SLC19A3: variants seen among roughly 807,000 people sequenced by gnomAD.
SLC19A3 encodes solute carrier family 19 member 3, also known as thiamine transporter 2.
A neutral mutation model predicts 40.2 loss-of-function variants in SLC19A3; 31 were observed. That is an observed-to-expected ratio of 0.77 (90% CI 0.58 to 1.04). The LOEUF (loss-of-function observed/expected upper bound fraction) is 1.04, where lower values mean the gene tolerates loss of function less well. Among genes scored for constraint, SLC19A3 ranks in the 50% least tolerant of loss-of-function variants. The pLI is 0.00. For synonymous variants in SLC19A3, 212 were observed against 227.5 expected, an observed-to-expected ratio of 0.93 and a Z score of 0.61; for missense variants, 592 against 596.7, an observed-to-expected ratio of 0.99 and a Z score of 0.08.
chr2:227,701,281 G>T, intron 2 of SLC19A3: 2 of 298,290 alleles, frequency 6.7e-6, no homozygotes, highest in South Asian at 3.6e-5. Context: ...ATCAGCCCAG[G>T]GTAATTTTGC....
chr2:227,715,816 G>T (rs972891268), intron 1 of SLC19A3, among the ~76,000 whole-genome samples: 1 of 151,956 alleles, frequency 6.6e-6, no homozygotes, highest in African/African-American at 2.4e-5. Context: ...TAGGCATGGT[G>T]GTGTGTGCCT....
At position 227,699,053 on chromosome 2, in the gene SLC19A3, T is replaced by C. The variant is rs863224203; in HGVS notation, c.662A>G (p.His221Arg). 1.2e-6 allele frequency: 2 copies of C among 1,614,098 alleles called. No individual in the cohort carries two copies. The highest frequency in any genetic ancestry group is 1.3e-5 in the African/African-American group (1 of 74,944). Reference protein sequence around the residue: ...SSVNPVLEETHEGEAPGCEEQ... With the variant: ...SSVNPVLEETREGEAPGCEEQ... ...TTCACAGCCTGGTGCTTCACCTTCGTGAGTTTCCTCTAATACTGGATTCAC... is the reference window on the plus strand; with the variant it reads ...TTCACAGCCTGGTGCTTCACCTTCGCGAGTTTCCTCTAATACTGGATTCAC... The change falls in exon 3 of 6, where the codon CAC (histidine) becomes CGC (arginine). Residue 221 changes from histidine (H) to arginine (R), a missense_variant. Coordinates refer to ENST00000644224, the MANE Select transcript of SLC19A3 (RefSeq NM_025243.4).
rs771047329 is a variant in SLC19A3, at chr2:227,687,481, A to G, written c.1407T>C (p.Asp469=). ...YITYSTKSQK[D]VQSPAPSENP... ...TCTCACTTGGAGCAGGGCTCTGTAC[A>G]TCCTTCTGGGATTTGGTTGAGTAGG... Residue 469 remains aspartate (D), a synonymous_variant, in exon 6 of 6, where the codon GAT becomes GAC. Coordinates refer to ENST00000644224, the MANE Select transcript of SLC19A3 (RefSeq NM_025243.4). The G allele has an allele frequency of 6.2e-7, 1 of 1,614,140 alleles. No homozygotes were observed. Among genetic ancestry groups the G allele is most frequent in the South Asian group, 1.1e-5 (1 of 91,082 alleles).
At chr2:227,716,099 G>T (rs1289179563) in intron 1 of SLC19A3, among the ~76,000 whole-genome samples, 2 of 152,040 alleles carry the variant, frequency 1.3e-5, no homozygotes, top group African/African-American at 4.8e-5. Context: ...GAAAAAACTG[G>T]ATTAAAGAAA....
chr2:227,698,669 C>T (rs1459808316), intron 3 of SLC19A3, 67 bp downstream of exon 3: 34 of 1,375,296 alleles, frequency 2.5e-5, no homozygotes, highest in Non-Finnish European at 3.4e-5. Flanking sequence ...CCATGAAGTT[C>T]GGTACCTGGA....
chr2:227,713,555 T>C (rs1401507695), intron 1 of SLC19A3, among the ~76,000 whole-genome samples: 1 of 151,764 alleles, frequency 6.6e-6, no homozygotes, highest in African/African-American at 2.4e-5. Context: ...GAACTGGTGG[T>C]TTTCTAAGAG....
At chr2:227,699,780 T>C (rs1695605948) in intron 2 of SLC19A3, among the ~76,000 whole-genome samples, 2 of 152,126 alleles carry the variant, frequency 1.3e-5, no homozygotes, top group Non-Finnish European at 1.5e-5. Flanking sequence ...GGCAGAAAAA[T>C]ATATTGGCTT....
chr2:227,707,951 A>G (rs1016264271), intron 1 of SLC19A3, among the ~76,000 whole-genome samples: 7 of 151,976 alleles, frequency 4.6e-5, no homozygotes, highest in Admixed American at 1.3e-4. Flanking sequence ...CTGGTGTTGA[A>G]CTCCTGACCT....
chr2:227,707,694 C>T (rs1695998656), intron 1 of SLC19A3, among the ~76,000 whole-genome samples: 1 of 151,818 alleles, frequency 6.6e-6, no homozygotes, highest in African/African-American at 2.4e-5. Context: ...CCAAGGGATG[C>T]TTCAGTTCTC....
At chr2:227,710,359 A>G (rs1696095126) in intron 1 of SLC19A3, among the ~76,000 whole-genome samples, 1 of 152,178 alleles carries the variant, frequency 6.6e-6, no homozygotes, top group Non-Finnish European at 1.5e-5. Context: ...CAGAAGAGCA[A>G]TAAATTGGTA....
chr2:227,706,474 TTA>T, intron 1 of SLC19A3: 1 of 925,424 alleles, frequency 1.1e-6, no homozygotes, highest in Non-Finnish European at 1.3e-6. Flanking sequence ...AAACGGTAGA[TTA>T]AAAATTTTAA....
At chr2:227,688,431 A>AAG (rs556969483) in intron 4 of SLC19A3, 124 bp from the exon 5 acceptor site, 33 of 790,798 alleles carry the variant, frequency 4.2e-5, no homozygotes, top group South Asian at 1.1e-4. Flanking sequence ...TAGTCCAGCA[A>AAG]AGAGAGAGAG....
chr2:227,717,430 T>C (rs1696371555), intron 1 of SLC19A3, among the ~76,000 whole-genome samples: 1 of 152,248 alleles, frequency 6.6e-6, no homozygotes, highest in African/African-American at 2.4e-5. Context: ...TATTTATTAT[T>C]TGATGACTTA....
intron 4 of SLC19A3, among the ~76,000 whole-genome samples, chr2:227,694,706 A>G (rs1226768484): frequency 6.6e-6 from 1 of 152,208 alleles, no homozygotes; most frequent in African/African-American, 2.4e-5. Flanking sequence ...CTGAGAAAAA[A>G]GTAGAAGCAA....
chr2:227,715,055 A>G (rs1696286531), intron 1 of SLC19A3, among the ~76,000 whole-genome samples: 1 of 152,028 alleles, frequency 6.6e-6, no homozygotes, highest in Admixed American at 6.6e-5. Context: ...CCTGACCTCA[A>G]GTGCTCCACC....
Position 227,702,147 on chromosome 2 carries a change from ATATG to A in SLC19A3, c.150+18_150+21del. The A allele has an allele frequency of 2.5e-6, 4 of 1,599,842 alleles. No individual in the cohort carries two copies. The highest frequency in any genetic ancestry group is 3.4e-6 in the Non-Finnish European group (4 of 1,167,240). On this transcript the variant is annotated intron_variant, in intron 2 of 5. Transcript: ENST00000644224. ...ATAAAATTTAAAAAACCACATTAAGATATGTATGTATGTTAACTTACCTCTGCAC... is the reference window on the plus strand; with the variant it reads ...ATAAAATTTAAAAAACCACATTAAGATATGTATGTTAACTTACCTCTGCAC...
intron 1 of SLC19A3, among the ~76,000 whole-genome samples, chr2:227,712,647 T>C (rs945623753): frequency 2.0e-5 from 3 of 152,208 alleles, no homozygotes; most frequent in Non-Finnish European, 4.4e-5. Flanking sequence ...CATATATTTA[T>C]ATTTGTGAAA....
chr2:227,701,303 T>C (rs192672775), intron 2 of SLC19A3: 9 of 248,020 alleles, frequency 3.6e-5, no homozygotes, highest in Non-Finnish European at 7.3e-5. Context: ...GTTAGGTCAG[T>C]GCATTTTCTT....
In SLC19A3 at chr2:227,698,444, C is replaced by T. The variant is rs146526874; in HGVS notation, c.979+292G>A. 2.9e-3 allele frequency among the ~76,000 whole-genome samples: 437 copies of T among 151,210 alleles called. 3 individuals are homozygous for T. Among genetic ancestry groups the T allele is most frequent in the African/African-American group, 9.9e-3 (401 of 40,686 alleles). On this transcript the variant is annotated intron_variant, in intron 3 of 5. Coordinates refer to ENST00000644224, the MANE Select transcript of SLC19A3 (RefSeq NM_025243.4). ...CCAAAGTGCTGGGACTACAGGTGCC[C>T]GCCACCACGCCTACCTATTTTATTT...
Sources: gnomAD v4.1 joint callset for allele counts (sites outside exome capture counted in the v4.1 genomes callset) on GRCh38, gnomAD v4.1.1 for gene constraint, MANE v1.5 for transcripts, NCBI Gene and HGNC (gene_info 2026-07-23, HGNC 2026-07-21) for gene names.